AKR1B15: variants seen among roughly 807,000 people sequenced by gnomAD.
The protein encoded by AKR1B15 is aldo-keto reductase family 1 member B15.
A neutral mutation model predicts 38.5 loss-of-function variants in AKR1B15; 49 were observed. The observed-to-expected ratio is 1.27, with a 90% CI of 1.01 to 1.62. AKR1B15 has a LOEUF of 1.62. AKR1B15 is among the 40% of genes most tolerant of loss of function. The pLI, the probability that AKR1B15 is intolerant of heterozygous loss-of-function variation, is 0.00. For synonymous variants in AKR1B15, 137 were observed against 135.5 expected, an observed-to-expected ratio of 1.01 and a Z score of -0.08; for missense variants, 411 against 381.6, an observed-to-expected ratio of 1.08 and a Z score of -0.64.
chr7:134,567,233 A>T (rs1033019853), intron 3 of AKR1B15, among the ~76,000 whole-genome samples: 6 of 152,200 alleles, frequency 3.9e-5, no homozygotes, highest in African/African-American at 1.4e-4. Flanking sequence ...TTTGTGAGAG[A>T]TCAAGTTTTA....
chr7:134,562,866 C>CTTTCTTTCTTTCTTTCTT (rs1794445412), intron 2 of AKR1B15, among the ~76,000 whole-genome samples: 1 of 142,594 alleles, frequency 7.0e-6, no homozygotes, highest in Admixed American at 7.1e-5. Context: ...TTCTTTCTTT[C>CTTTCTTTCTTTCTTTCTT]TTTCTTTCTT....
intron 2 of AKR1B15, among the ~76,000 whole-genome samples, chr7:134,561,322 T>C (rs1794384088): frequency 6.6e-6 from 1 of 152,170 alleles, no homozygotes; most frequent in Non-Finnish European, 1.5e-5. Flanking sequence ...CAAGTGATTC[T>C]CAGGCCTCCC....
rs578005719 is a variant in AKR1B15 at position 134,577,165 on chromosome 7, C to G, written c.909+119C>G. 2.0e-4 allele frequency: 215 copies of G among 1,071,860 alleles called. 3 individuals are homozygous for G. In the Middle Eastern group the frequency reaches 4.0e-3, roughly 20 times the overall value. 66.4% of individuals were successfully genotyped at this position (1,071,860 alleles called of 1,614,324 possible). A position where few individuals can be genotyped will look rare whatever the true frequency, so the allele number is the denominator to read the frequency against. Reference sequence around the variant, plus strand: ...CTTTGGCCCCCTCCTTCCCCACCACCCTATCATTTTCCAGCCCAGGGAGCT... The same window carrying G: ...CTTTGGCCCCCTCCTTCCCCACCACGCTATCATTTTCCAGCCCAGGGAGCT... On this transcript the variant is annotated intron_variant, in intron 10 of 11. Coordinates refer to ENST00000457545, the MANE Select transcript of AKR1B15 (RefSeq NM_001080538.3).
chr7:134,557,747 C>T (rs957119864), intron 2 of AKR1B15, among the ~76,000 whole-genome samples: 1 of 152,254 alleles, frequency 6.6e-6, no homozygotes, highest in East Asian at 1.9e-4. Flanking sequence ...CTCCTCCCCT[C>T]TTTAGACCAA....
chr7:134,574,315 C>T (rs1216388378), intron 6 of AKR1B15, among the ~76,000 whole-genome samples: 1 of 152,160 alleles, frequency 6.6e-6, no homozygotes, highest in African/African-American at 2.4e-5. Context: ...GCCTTCCTGC[C>T]TTCCTGTGTC....
At chr7:134,563,934 C>A (rs1447144641) in intron 2 of AKR1B15, among the ~76,000 whole-genome samples, 1 of 152,196 alleles carries the variant, frequency 6.6e-6, no homozygotes, top group Non-Finnish European at 1.5e-5. Flanking sequence ...TTAACATACA[C>A]AACCAGTTCT....
intron 1 of AKR1B15, among the ~76,000 whole-genome samples, chr7:134,556,424 G>A (rs577619075): frequency 2.0e-4 from 30 of 152,084 alleles, no homozygotes; most frequent in Non-Finnish European, 3.8e-4. Flanking sequence ...CTTGTCATAC[G>A]TGCCCCCATG....
In AKR1B15 at chr7:134,579,579, G is replaced by A. The variant is rs1480543790; in HGVS notation, c.*30G>A. 4.5e-6 allele frequency: 7 copies of A among 1,558,314 alleles called. No individual in the cohort carries two copies. The highest frequency in any genetic ancestry group is 6.1e-6 in the Non-Finnish European group (7 of 1,150,050). On this transcript the variant is annotated 3_prime_UTR_variant, in exon 12 of 12. Coordinates refer to ENST00000457545, the MANE Select transcript of AKR1B15 (RefSeq NM_001080538.3). Reference sequence around the variant, plus strand: ...GAATCTCCTGGTGAGATTACACAGGGGATTCTCTTTCTTCGCTGAAGTGTG... The same window carrying A: ...GAATCTCCTGGTGAGATTACACAGGAGATTCTCTTTCTTCGCTGAAGTGTG...
intron 1 of AKR1B15, among the ~76,000 whole-genome samples, chr7:134,550,883 C>T (rs1793944244): frequency 6.6e-6 from 1 of 152,110 alleles, no homozygotes; most frequent in African/African-American, 2.4e-5. Flanking sequence ...CCAGACGGGT[C>T]ACTACACTTC....
At chr7:134,566,052 G>T (rs530646385) in intron 3 of AKR1B15, among the ~76,000 whole-genome samples, 1 of 152,294 alleles carries the variant, frequency 6.6e-6, no homozygotes, top group South Asian at 2.1e-4. Context: ...CCAGCACTTT[G>T]GGAGATCCAG....
chr7:134,553,980 C>T (rs951683589), intron 1 of AKR1B15, among the ~76,000 whole-genome samples: 4 of 152,222 alleles, frequency 2.6e-5, no homozygotes, highest in Non-Finnish European at 4.4e-5. Context: ...AACCCTGACT[C>T]AGGCCCTCCA....
At chr7:134,575,229 G>T (rs568036147) in intron 6 of AKR1B15, among the ~76,000 whole-genome samples, 191 bp from the exon 7 acceptor site, 1 of 152,276 alleles carries the variant, frequency 6.6e-6, no homozygotes, top group African/African-American at 2.4e-5. Flanking sequence ...TCTTGGGCTG[G>T]GGAGGGGCAG....
chr7:134,564,983 G>A (rs1469788815), intron 3 of AKR1B15: 4 of 367,246 alleles, frequency 1.1e-5, no homozygotes, highest in East Asian at 4.7e-5. Context: ...CTGTAAAAAC[G>A]CAGCAATCAG....
intron 6 of AKR1B15, chr7:134,573,349 C>A (rs1363611113): frequency 1.0e-6 from 1 of 984,934 alleles, no homozygotes; most frequent in Non-Finnish European, 1.2e-6. Flanking sequence ...TACATTTGAT[C>A]TGTGTTTTTG....
chr7:134,571,325 G>A (rs1270438821), intron 5 of AKR1B15, among the ~76,000 whole-genome samples: 1 of 152,208 alleles, frequency 6.6e-6, no homozygotes, highest in Admixed American at 6.5e-5. Flanking sequence ...GGATGTAGGT[G>A]TGTGAGGTTA....
intron 2 of AKR1B15, among the ~76,000 whole-genome samples, chr7:134,562,511 C>A (rs1017727353): frequency 2.6e-5 from 4 of 152,060 alleles, no homozygotes; most frequent in Admixed American, 1.3e-4. Flanking sequence ...GTCCATTATA[C>A]GGAGCACTGA....
In AKR1B15 at chr7:134,563,492, G is replaced by T. The variant is rs1794467187; in HGVS notation, c.-22-1106G>T. 3.3e-5 allele frequency among the ~76,000 whole-genome samples: 5 copies of T among 152,268 alleles called. No individual in the cohort carries two copies. The South Asian group carries it at 1.0e-3, about 32-fold the overall frequency. ...GAACCTGGGAGACAGAGGTTGCAGT[G>T]AGCCAAGATCACACCACTGCACTCC... On this transcript the variant is annotated intron_variant, in intron 2 of 11. Coordinates refer to ENST00000457545, the MANE Select transcript of AKR1B15 (RefSeq NM_001080538.3).
At chr7:134,577,944 T>C (rs1054699361) in intron 11 of AKR1B15, among the ~76,000 whole-genome samples, 158 bp downstream of exon 11, 1 of 152,210 alleles carries the variant, frequency 6.6e-6, no homozygotes, top group African/African-American at 2.4e-5. Flanking sequence ...TGGGAATCAC[T>C]GTAAGGGACA....
intron 8 of AKR1B15, 32 bp downstream of exon 8, chr7:134,575,959 G>A (rs1794761445): frequency 1.2e-6 from 2 of 1,606,454 alleles, no homozygotes; most frequent in Admixed American, 1.7e-5. Context: ...TCTTTCTCTT[G>A]ATAATCTTAA....
Sources: allele counts gnomAD v4.1 joint callset (sites outside exome capture counted in the v4.1 genomes callset), GRCh38; gene constraint gnomAD v4.1.1; transcripts MANE v1.5; gene names NCBI Gene and HGNC (gene_info 2026-07-23, HGNC 2026-07-21).